BRD1: variants seen among roughly 807,000 people sequenced by gnomAD.
BRD1 encodes the protein bromodomain-containing protein 1.
Under a neutral mutation model 107.7 loss-of-function variants are expected in BRD1, and 24 were observed. The ratio of observed to expected loss-of-function variants is 0.22; its 90% CI spans 0.16 to 0.31. The LOEUF is 0.31. BRD1 is among the 10% of genes least tolerant of loss of function. The pLI is 1.00. For missense variants in BRD1, 1,279 were observed against 1,638.6 expected, an observed-to-expected ratio of 0.78 and a Z score of 3.79; for synonymous variants, 744 against 686.1, an observed-to-expected ratio of 1.08 and a Z score of -1.32.
chr22:49,790,361 C>T (rs2059411352), intron 7 of BRD1, among the ~76,000 whole-genome samples: 1 of 152,226 alleles, frequency 6.6e-6, no homozygotes, highest in Non-Finnish European at 1.5e-5. Flanking sequence ...TCAAAGCTCA[C>T]TGACTCTGGG....
rs372735520 is a variant in BRD1, at chr22:49,785,511, C to T, written c.2857+1879G>A. Among the ~76,000 whole-genome samples the T allele has an allele frequency of 7.7e-4, 117 of 152,318 alleles. 3 individuals carry two copies. In the South Asian group the frequency reaches 0.023, roughly 30 times the overall value. ...CTGACCCGATTCATCACAGAATTTCCGGGGTGCTTGGAAAACCAGGTCAGA... is the reference window on the plus strand; with the variant it reads ...CTGACCCGATTCATCACAGAATTTCTGGGGTGCTTGGAAAACCAGGTCAGA... On this transcript the variant is annotated intron_variant, in intron 8 of 12. Coordinates refer to ENST00000404760, the MANE Select transcript of BRD1 (RefSeq NM_001304808.3).
At chr22:49,800,429 T>C (rs1363770116) in intron 3 of BRD1, among the ~76,000 whole-genome samples, 1 of 151,928 alleles carries the variant, frequency 6.6e-6, no homozygotes, top group Non-Finnish European at 1.5e-5. Context: ...GGCAGGAAAA[T>C]GTGGGCTCCA....
chr22:49,778,921 A>AG (rs2059152445), intron 8 of BRD1, among the ~76,000 whole-genome samples: 1 of 152,182 alleles, frequency 6.6e-6, no homozygotes, highest in African/African-American at 2.4e-5. Context: ...TCGGCCTCCC[A>AG]AAGTGCTGGG....
At chr22:49,779,952 C>T (rs979668262) in intron 8 of BRD1, among the ~76,000 whole-genome samples, 8 of 149,356 alleles carry the variant, frequency 5.4e-5, no homozygotes, top group Non-Finnish European at 1.0e-4. Context: ...GCGACCCACA[C>T]CCCACAGCCC....
In BRD1 at chr22:49,787,621, C is replaced by T. The variant is rs570450725; in HGVS notation, c.2626G>A (p.Asp876Asn). ...AGAACAGAAGTGCGTCTGTTTACAT[C>T]GCTTGCTGGCTCCGCCACCGCGGAG... The part of the protein sequence containing the change: ...AASAVAEPAS[D>N]VNRRTSVLFC... Residue 876 changes from aspartate to asparagine, a missense_variant, in exon 8 of 13, where the codon GAT becomes AAT. Transcript: ENST00000404760. The T allele has an allele frequency of 5.8e-6, 9 of 1,551,380 alleles. No individual in the cohort carries two copies. The highest frequency in any genetic ancestry group is 1.7e-4 in the Middle Eastern group (1 of 5,992).
chr22:49,779,145 C>T (rs1044637337), intron 8 of BRD1, among the ~76,000 whole-genome samples: 1 of 152,126 alleles, frequency 6.6e-6, no homozygotes, highest in Non-Finnish European at 1.5e-5. Context: ...CTCCATGGCT[C>T]ACTGCAACCT....
intron 2 of BRD1, among the ~76,000 whole-genome samples, chr22:49,811,435 G>A (rs1052580409): frequency 6.6e-6 from 1 of 152,206 alleles, no homozygotes; most frequent in Non-Finnish European, 1.5e-5. Flanking sequence ...AACCAAGGGG[G>A]ATGGTTCCAA....
intron 6 of BRD1, 117 bp downstream of exon 6, chr22:49,797,688 C>A: frequency 2.0e-6 from 2 of 998,836 alleles, no homozygotes; most frequent in South Asian, 1.9e-5. Context: ...ATGATGTATG[C>A]GGTTGCATGC....
chr22:49,785,049 AG>A (rs1243768514), intron 8 of BRD1, among the ~76,000 whole-genome samples: 18 of 152,358 alleles, frequency 1.2e-4, no homozygotes, highest in Middle Eastern at 6.8e-3. Context: ...GAAGGTCTGC[AG>A]TAAGACTGCT....
intron 6 of BRD1, among the ~76,000 whole-genome samples, chr22:49,795,934 C>T (rs146947940): frequency 3.9e-5 from 6 of 152,256 alleles, no homozygotes; most frequent in Admixed American, 6.5e-5. Context: ...GCCTGGAGAG[C>T]GCAGCTTCAG....
rs757188736 is a variant in BRD1 at position 49,797,847 on chromosome 22, G to A, written c.2056C>T (p.Arg686Trp). ...GGCCGCCGCGGTGCCGCAGCAGGCC[G>A]CTCAGGCAGGTGCATCCCCGAGGCC... Reference protein sequence around the residue: ...EEASGMHLPERPAAAPRRPFS... With the variant: ...EEASGMHLPEWPAAAPRRPFS... Residue 686 changes from arginine to tryptophan, a missense_variant, in exon 6 of 13, where the codon CGG (arginine) becomes TGG (tryptophan). Around this residue, in one of 7 missense-constraint regions of BRD1, gnomAD observed 406 missense variants for 519.4 expected, o/e 0.78. Coordinates refer to ENST00000404760, the MANE Select transcript of BRD1 (RefSeq NM_001304808.3). The A allele has an allele frequency of 6.2e-6, 10 of 1,610,382 alleles. No individual in the cohort carries two copies. Among genetic ancestry groups the A allele is most frequent in the East Asian group, 4.5e-5 (2 of 44,842 alleles).
Position 49,804,248 on chromosome 22 carries a change from G to T in BRD1, c.1480C>A (p.Arg494=). The change falls in exon 3 of 13, where the codon CGG becomes AGG. Residue 494 remains arginine, a synonymous_variant. Coordinates refer to ENST00000404760, the MANE Select transcript of BRD1 (RefSeq NM_001304808.3). ...RLSRNGAPLL[R]RLQSSLQSQR... is the part of the protein sequence containing the mutation. Reference sequence around the variant, plus strand: ...GACTGCAGGCTGGACTGCAGCCGCCGCAGCAGGGGGGCCCCGTTCCTGGAC... The same window carrying T: ...GACTGCAGGCTGGACTGCAGCCGCCTCAGCAGGGGGGCCCCGTTCCTGGAC... The T allele has an allele frequency of 6.2e-7, 1 of 1,607,966 alleles. No individual in the cohort carries two copies. The highest frequency in any genetic ancestry group is 1.1e-5 in the South Asian group (1 of 89,740).
At chr22:49,793,143 G>A (rs76993705) in intron 7 of BRD1, among the ~76,000 whole-genome samples, 191 of 152,314 alleles carry the variant, frequency 1.3e-3, no homozygotes, top group African/African-American at 4.4e-3. Flanking sequence ...TAACCGGAGC[G>A]TGTCAAGGTC....
intron 2 of BRD1, among the ~76,000 whole-genome samples, chr22:49,809,548 A>AAATAT (rs376173597): frequency 2.7e-5 from 4 of 147,794 alleles, no homozygotes; most frequent in Admixed American, 6.7e-5. Flanking sequence ...CTCCAAAAAA[A>AAATAT]ATATATATAT....
chr22:49,793,933 G>GCA (rs2059480962), intron 7 of BRD1, 101 bp downstream of exon 7: 15 of 1,475,206 alleles, frequency 1.0e-5, no homozygotes, highest in Non-Finnish European at 1.4e-5. Flanking sequence ...GAGCCTCCGT[G>GCA]CACACCAACG....
chr22:49,800,624 C>T (rs2059622924), intron 3 of BRD1, among the ~76,000 whole-genome samples: 1 of 152,208 alleles, frequency 6.6e-6, no homozygotes, highest in South Asian at 2.1e-4. Flanking sequence ...GTCTGCTCCC[C>T]AACCTGGTTT....
chr22:49,776,190 C>T (rs369838301), intron 10 of BRD1, 31 bp from the exon 11 acceptor site: 30 of 1,581,724 alleles, frequency 1.9e-5, no homozygotes, highest in African/African-American at 2.7e-5. Flanking sequence ...AGGACACAGG[C>T]GTCAGCAGGA....
At position 49,783,234 on chromosome 22, in the gene BRD1, G is replaced by A. The variant is rs554787207; in HGVS notation, c.2857+4156C>T. On this transcript the variant is annotated intron_variant, in intron 8 of 12. Coordinates refer to ENST00000404760, the MANE Select transcript of BRD1 (RefSeq NM_001304808.3). This position sits in a 1 kb window ranked among gnomAD's most constrained non-coding sequence, Gnocchi z 4.2. ...CCCACGCACAGATGCCCCACCCCACGAGCAGGACTTCTCAGTTGGCCGCAG... is the reference window on the plus strand; with the variant it reads ...CCCACGCACAGATGCCCCACCCCACAAGCAGGACTTCTCAGTTGGCCGCAG... Among the ~76,000 whole-genome samples the A allele has an allele frequency of 2.5e-4, 38 of 152,382 alleles. No individual in the cohort carries two copies. Among genetic ancestry groups the A allele is most frequent in the Middle Eastern group, 3.4e-3 (1 of 294 alleles).
At position 49,776,038 on chromosome 22, in the gene BRD1, A is replaced by G. The variant is rs766143354; in HGVS notation, c.3231+12T>C. On this transcript the variant is annotated intron_variant, in intron 11 of 12. Transcript: ENST00000404760. ...CCTCTGGACCCGCAGGCGCCACGAG[A>G]GCCGTACTCACCAGTGCCGGGTAGG... 1.6e-5 allele frequency: 25 copies of G among 1,523,072 alleles called. No homozygotes were observed. In the South Asian group the frequency reaches 2.6e-4, roughly 16 times the overall value. The allele number at this position is 1,523,072 out of a possible 1,614,324, so 94.3% of individuals were successfully genotyped here. A position where few individuals can be genotyped will look rare whatever the true frequency, so the allele number is the denominator to read the frequency against.
Sources: gnomAD v4.1 joint callset for allele counts (sites outside exome capture counted in the v4.1 genomes callset) on GRCh38, gnomAD v4.1.1 for gene constraint, gnomAD v4.1.1 regional missense constraint, Gnocchi (gnomAD v3.1) non-coding constraint, MANE v1.5 for transcripts, NCBI Gene and HGNC (gene_info 2026-07-23, HGNC 2026-07-21) for gene names.